PTK2: variants seen among roughly 807,000 people sequenced by gnomAD.
The protein encoded by PTK2 is focal adhesion kinase 1.
A neutral mutation model predicts 150.1 loss-of-function variants in PTK2; 45 were observed. That is an observed-to-expected ratio of 0.30 (90% confidence interval 0.24 to 0.38). The LOEUF (loss-of-function observed/expected upper bound fraction) is 0.38. PTK2 is among the 10% of genes least tolerant of loss of function. The pLI is 1.00. For missense variants in PTK2, 919 were observed against 1,307.3 expected, an observed-to-expected ratio of 0.70 and a Z score of 4.58; for synonymous variants, 432 against 449.2, an observed-to-expected ratio of 0.96 and a Z score of 0.48.
chr8:140,693,990 C>T (rs1224886379), intron 26 of PTK2, among the ~76,000 whole-genome samples: 2 of 151,958 alleles, frequency 1.3e-5, no homozygotes, highest in African/African-American at 2.4e-5. Flanking sequence ...TAGGAATGAA[C>T]CAGTTTATGA....
chr8:141,001,582 G>A (rs948753387), upstream of PTK2, among the ~76,000 whole-genome samples: 4 of 152,232 alleles, frequency 2.6e-5, no homozygotes, highest in Admixed American at 2.0e-4. Context: ...GACATCCTGG[G>A]GTCCCACCTG....
chr8:140,800,936 T>C (rs2100094678), intron 11 of PTK2, among the ~76,000 whole-genome samples: 1 of 152,218 alleles, frequency 6.6e-6, no homozygotes, highest in African/African-American at 2.4e-5. Context: ...TATCAGAAAC[T>C]AATGTGGAGT....
At chr8:140,664,447 A>G (rs2086657885) in intron 31 of PTK2, among the ~76,000 whole-genome samples, 1 of 152,176 alleles carries the variant, frequency 6.6e-6, no homozygotes, top group African/African-American at 2.4e-5. Context: ...GAAATTTTTT[A>G]TATTACTACT....
chr8:140,854,951 T>C (rs2100131622), intron 5 of PTK2, among the ~76,000 whole-genome samples: 1 of 152,204 alleles, frequency 6.6e-6, no homozygotes. Flanking sequence ...ATTATTTTAT[T>C]TCTGCACTGG....
intron 22 of PTK2, among the ~76,000 whole-genome samples, chr8:140,731,809 G>A (rs2154371700): frequency 6.6e-6 from 1 of 152,172 alleles, no homozygotes; most frequent in East Asian, 1.9e-4. Context: ...AGGCTAAGGT[G>A]GGAGAATCAC....
At chr8:140,715,145 C>A (rs1239413398) in intron 23 of PTK2, among the ~76,000 whole-genome samples, 1 of 132,110 alleles carries the variant, frequency 7.6e-6, no homozygotes, top group Non-Finnish European at 1.6e-5. Flanking sequence ...ATTTTCTAGC[C>A]ATTAAAACCG....
intron 1 of PTK2, among the ~76,000 whole-genome samples, chr8:141,000,125 A>ACACC (rs779200710): frequency 2.1e-5 from 3 of 141,802 alleles, no homozygotes; most frequent in South Asian, 2.1e-4. Context: ...ACACACACAC[A>ACACC]CCCCTTCTTC....
At chr8:140,845,097 GACAAGAAAGGT>G (rs2100124568) in intron 7 of PTK2, among the ~76,000 whole-genome samples, 1 of 152,088 alleles carries the variant, frequency 6.6e-6, no homozygotes. Flanking sequence ...TTCTCACATG[GACAAGAAAGGT>G]ACAACAGCTT....
At chr8:140,832,897 G>A (rs1567202468) in intron 7 of PTK2, 2 of 518,964 alleles carry the variant, frequency 3.9e-6, no homozygotes, top group South Asian at 1.4e-5. Context: ...CAACACACAC[G>A]TCAGTATTTG....
chr8:140,894,569 G>A (rs1568353938), intron 2 of PTK2, among the ~76,000 whole-genome samples: 1 of 152,172 alleles, frequency 6.6e-6, no homozygotes, highest in Non-Finnish European at 1.5e-5. Flanking sequence ...AAGGAAAGAA[G>A]AAGAGCCCTA....
At chr8:140,800,722 G>T in intron 11 of PTK2, 146 bp from the exon 12 acceptor site, 1 of 626,366 alleles carries the variant, frequency 1.6e-6, no homozygotes, top group Non-Finnish European at 2.8e-6. Flanking sequence ...ATTTGAGAAA[G>T]GAAATCTGAT....
intron 1 of PTK2, among the ~76,000 whole-genome samples, chr8:140,999,950 T>C (rs981642272): frequency 6.6e-6 from 1 of 151,052 alleles, no homozygotes. Flanking sequence ...ATTATCTTAG[T>C]CTCATTGCCA....
intron 17 of PTK2, among the ~76,000 whole-genome samples, chr8:140,750,872 C>T (rs1419568490): frequency 5.9e-5 from 9 of 152,142 alleles, no homozygotes; most frequent in Admixed American, 5.9e-4. Context: ...GAGCCTAGAA[C>T]TTTAGAATAG....
intron 1 of PTK2, among the ~76,000 whole-genome samples, chr8:140,940,140 C>A: frequency 6.6e-6 from 1 of 152,176 alleles, no homozygotes; most frequent in Non-Finnish European, 1.5e-5. Context: ...ATAGGATGGG[C>A]AAGTAATAAA....
At chr8:140,953,232 C>T (rs1411995390) in intron 1 of PTK2, among the ~76,000 whole-genome samples, 15 of 152,062 alleles carry the variant, frequency 9.9e-5, no homozygotes, top group African/African-American at 2.2e-4. Flanking sequence ...CAGTACTTGG[C>T]GCTATATATA....
At chr8:140,992,668 AC>A (rs2100196193) in intron 1 of PTK2, among the ~76,000 whole-genome samples, 1 of 152,092 alleles carries the variant, frequency 6.6e-6, no homozygotes, top group Non-Finnish European at 1.5e-5. Context: ...TGAATGAGTT[AC>A]CCCCTCACAC....
chr8:140,662,717 C>T (rs2082410618), intron 31 of PTK2: 2 of 598,314 alleles, frequency 3.3e-6, no homozygotes, highest in Admixed American at 2.1e-5. Context: ...TCAACTGGAA[C>T]ATCCCCTGGA....
chr8:140,886,033 A>T (rs562658270), intron 3 of PTK2, among the ~76,000 whole-genome samples: 2 of 152,288 alleles, frequency 1.3e-5, no homozygotes, highest in East Asian at 3.9e-4. Context: ...GCAGCTACTG[A>T]AGAAGAGCTC....
chr8:140,682,799 A>G (rs2100017814), intron 27 of PTK2, among the ~76,000 whole-genome samples: 1 of 152,200 alleles, frequency 6.6e-6, no homozygotes. Context: ...ATTCTTTGAA[A>G]CTAATAAGTA....
Sources: gnomAD v4.1 joint callset for allele counts (sites outside exome capture counted in the v4.1 genomes callset) on GRCh38, gnomAD v4.1.1 for gene constraint, MANE v1.5 for transcripts, NCBI Gene and HGNC (gene_info 2026-07-23, HGNC 2026-07-21) for gene names.